GOLGB1: variants seen among roughly 807,000 people sequenced by gnomAD.
GOLGB1 encodes the protein golgin B1, also known as golgin subfamily B member 1.
In GOLGB1, 174 loss-of-function variants were observed where a neutral mutation model predicts 336.9. The observed-to-expected ratio is 0.52, with a 90% CI of 0.46 to 0.59. GOLGB1 has a LOEUF of 0.59. Among genes scored for constraint, GOLGB1 ranks in the 20% least tolerant of loss-of-function variants. GOLGB1 has a pLI of 0.00. For synonymous variants in GOLGB1, 1,208 were observed against 1,289.2 expected (o/e 0.94, Z 1.35); for missense variants, 3,331 against 3,645.3 (o/e 0.91, Z 2.22).
intron 5 of GOLGB1, among the ~76,000 whole-genome samples, chr3:121,725,240 G>A (rs1165572634): frequency 2.6e-5 from 4 of 152,226 alleles, no homozygotes; most frequent in African/African-American, 4.8e-5. Flanking sequence ...AGTGTGCAAT[G>A]CAAAGTCAGC....
rs1169894604 is a variant in GOLGB1, at chr3:121,692,271, C to T, written c.7093G>A (p.Glu2365Lys). ...TCTCTGGAGGCCTGAAGATCAGTCT[C>T]CAGTTGTTCATAACTGAACTTAGAA... ...QNSKFSYEQL[E>K]TDLQASRELT... The change falls in exon 14 of 22, where the codon GAG becomes AAG. Residue 2365 changes from glutamate (E) to lysine (K), a missense_variant. By Grantham distance (56) the Glu-to-Lys change is moderately conservative. Coordinates refer to ENST00000614479, the MANE Select transcript of GOLGB1 (RefSeq NM_001366282.2). 1 of 1,610,360 alleles carries T rather than the reference C, an allele frequency of 6.2e-7. No homozygotes were observed. The highest frequency in any genetic ancestry group is 8.5e-7 in the Non-Finnish European group (1 of 1,179,014).
chr3:121,663,296 G>A lies in GOLGB1; in HGVS notation c.*1184C>T, dbSNP rs1938173117. ...TAATCACCACAGTAGATTTAGAGCA[G>A]ATCAGTCAGCCCACTTGTCTTCTCT... On this transcript the variant is annotated 3_prime_UTR_variant, in exon 22 of 22. Transcript: ENST00000614479. 6.6e-6 allele frequency: 1 copy of A among 152,162 alleles called. No individual in the cohort carries two copies. The highest frequency in any genetic ancestry group is 1.5e-5 in the Non-Finnish European group (1 of 68,032). 9.4% of individuals were successfully genotyped at this position (152,162 alleles called of 1,614,324 possible). A position where few individuals can be genotyped will look rare whatever the true frequency, so the allele number is the denominator to read the frequency against.
intron 10 of GOLGB1, among the ~76,000 whole-genome samples, chr3:121,707,348 G>A (rs7648343): frequency 0.17 from 25,256 of 150,884 alleles, 2,661 homozygotes; most frequent in Middle Eastern, 0.29. Context: ...AGAGCCAGGT[G>A]CAGTAGCTCA....
In GOLGB1 at chr3:121,669,257, TA is replaced by T; in HGVS notation, c.9275del (p.Leu3092Ter). 1 of 1,614,090 alleles carries T rather than the reference TA, an allele frequency of 6.2e-7. No homozygotes were observed. Among genetic ancestry groups the T allele is most frequent in the South Asian group, 1.1e-5 (1 of 91,076 alleles). ...GCTTCTCCAAGACTGCACAGTGATT[TA>T]AAAGGTCACCATAGTGCTGCTGGTT... ...RENQQHYGDL[L>X]NHCAVLEKQV... On this transcript the variant is annotated frameshift_variant, in exon 18 of 22. Transcript: ENST00000614479. LOFTEE classifies it high-confidence loss of function.
Position 121,692,049 on chromosome 3 carries a change from C to G in GOLGB1, c.7315G>C (p.Ala2439Pro), listed in dbSNP as rs150108711. The G allele has an allele frequency of 6.2e-7, 1 of 1,612,616 alleles. No homozygotes were observed. ...NIVLEEENKK[A>P]VDKTNQLMET... ...ATAAGCTGATTGGTTTTATCAACAG[C>G]CTTTTTGTTCTCCTCTTCTAAAACA... The change falls in exon 14 of 22, where the codon GCT (alanine) becomes CCT (proline). Residue 2439 changes from alanine to proline, a missense_variant. By Grantham distance (27) the Ala-to-Pro change is conservative. Coordinates refer to ENST00000614479, the MANE Select transcript of GOLGB1 (RefSeq NM_001366282.2).
intron 6 of GOLGB1, among the ~76,000 whole-genome samples, chr3:121,721,198 A>C (rs1453480995): frequency 1.3e-5 from 2 of 152,216 alleles, no homozygotes; most frequent in Admixed American, 1.3e-4. Flanking sequence ...TATACATAGC[A>C]GTAGGCCAAC....
At chr3:121,745,275 T>TGTATATATACATATGTATACGTGTAA (rs1947172826) in intron 1 of GOLGB1, among the ~76,000 whole-genome samples, 1 of 143,124 alleles carries the variant, frequency 7.0e-6, no homozygotes, top group East Asian at 2.0e-4. Flanking sequence ...TGTATGTATA[T>TGTATATATACATATGTATACGTGTAA]GTATATATAC....
At chr3:121,708,318 T>C (rs887046891) in intron 10 of GOLGB1, among the ~76,000 whole-genome samples, 18 of 152,180 alleles carry the variant, frequency 1.2e-4, no homozygotes, top group Non-Finnish European at 2.6e-4. Flanking sequence ...ATTTTCTTGA[T>C]AGTAGTGATG....
intron 1 of GOLGB1, chr3:121,748,934 C>T (rs1472884226): frequency 4.1e-6 from 4 of 984,900 alleles, no homozygotes; most frequent in African/African-American, 3.5e-5. Flanking sequence ...ATTAAACATA[C>T]TCCACACCAT....
Position 121,692,592 on chromosome 3 carries a change from GAGA to G in GOLGB1, c.6783-14_6783-12del, listed in dbSNP as rs1424613430. Reference sequence around the variant, plus strand: ...TTGTCATGTTCAAGCCTGAAACAGAGAGAAGGTCATTAGTTACAGATTTCAAGA... The same window carrying G: ...TTGTCATGTTCAAGCCTGAAACAGAGAGGTCATTAGTTACAGATTTCAAGA... On this transcript the variant is annotated splice_polypyrimidine_tract_variant and intron_variant, in intron 13 of 21. Coordinates refer to ENST00000614479, the MANE Select transcript of GOLGB1 (RefSeq NM_001366282.2). 16 of 1,490,458 alleles carry G rather than the reference GAGA, an allele frequency of 1.1e-5. No individual in the cohort carries two copies. Among genetic ancestry groups the G allele is most frequent in the African/African-American group, 2.8e-5 (2 of 70,954 alleles). 92.3% of individuals were successfully genotyped at this position (1,490,458 alleles called of 1,614,324 possible). A position where few individuals can be genotyped will look rare whatever the true frequency, so the allele number is the denominator to read the frequency against.
chr3:121,748,823 C>T (rs1288718735), intron 1 of GOLGB1: 14 of 983,966 alleles, frequency 1.4e-5, no homozygotes, highest in Non-Finnish European at 1.6e-5. Context: ...CTCAAACTGT[C>T]CGCTCCCCAT....
intron 10 of GOLGB1, among the ~76,000 whole-genome samples, chr3:121,710,346 C>A (rs1944247604): frequency 6.6e-6 from 1 of 152,062 alleles, no homozygotes; most frequent in Admixed American, 6.6e-5. Context: ...GGCTGCCATA[C>A]CCTTAATACC....
At chr3:121,742,068 T>C (rs900478710) in intron 1 of GOLGB1, among the ~76,000 whole-genome samples, 10 of 152,104 alleles carry the variant, frequency 6.6e-5, no homozygotes, top group African/African-American at 1.4e-4. Context: ...TTCAATGCCA[T>C]CCCCATCAAG....
chr3:121,705,639 A>G (rs1943749350), intron 10 of GOLGB1, among the ~76,000 whole-genome samples: 1 of 152,224 alleles, frequency 6.6e-6, no homozygotes, highest in South Asian at 2.1e-4. Flanking sequence ...AGAATAGAAT[A>G]CCAGATGGGA....
At chr3:121,703,126 G>C (rs1275927006) in intron 10 of GOLGB1, among the ~76,000 whole-genome samples, 1 of 152,072 alleles carries the variant, frequency 6.6e-6, no homozygotes, top group Non-Finnish European at 1.5e-5. Flanking sequence ...TTTTCCTAAG[G>C]ATAGGCATAT....
At chr3:121,693,478 G>A (rs138915042) in intron 13 of GOLGB1, among the ~76,000 whole-genome samples, 3 of 152,262 alleles carry the variant, frequency 2.0e-5, no homozygotes, top group African/African-American at 7.2e-5. Flanking sequence ...ACAAGAGCAA[G>A]ACTCCATCTT....
intron 14 of GOLGB1, among the ~76,000 whole-genome samples, chr3:121,687,267 A>G (rs1243169560): frequency 2.0e-5 from 3 of 152,180 alleles, no homozygotes; most frequent in African/African-American, 4.8e-5. Flanking sequence ...ATCTCAAAAA[A>G]CAAACAAACA....
intron 3 of GOLGB1, 42 bp downstream of exon 3, chr3:121,729,823 C>CT (rs1377418755): frequency 6.7e-6 from 10 of 1,486,910 alleles, no homozygotes; most frequent in Non-Finnish European, 8.4e-6. Context: ...ATCATCTGTC[C>CT]TTTATCAAAT....
At chr3:121,729,690 T>C (rs1005270290) in intron 3 of GOLGB1, among the ~76,000 whole-genome samples, 175 bp downstream of exon 3, 7 of 152,152 alleles carry the variant, frequency 4.6e-5, no homozygotes, top group African/African-American at 1.7e-4. Flanking sequence ...ATGCTGGGAT[T>C]ACAGGTGTGA....
Sources: allele counts gnomAD v4.1 joint callset (sites outside exome capture counted in the v4.1 genomes callset), GRCh38; gene constraint gnomAD v4.1.1; transcripts MANE v1.5; gene names NCBI Gene and HGNC (gene_info 2026-07-23, HGNC 2026-07-21).